The following UGT2A2 variants were observed in gnomAD, a reference collection of about 807,000 sequenced individuals.
The protein encoded by UGT2A2 is UDP-glucuronosyltransferase 2A2.
In UGT2A2, 60 loss-of-function variants were observed where a neutral mutation model predicts 50.7. That is an observed-to-expected ratio of 1.18 (90% confidence interval 0.96 to 1.47). UGT2A2 has a LOEUF of 1.47. Among genes scored for constraint, UGT2A2 ranks in the 40% most tolerant of loss-of-function variants. UGT2A2 has a pLI of 0.00. For synonymous variants in UGT2A2, 242 were observed against 214.6 expected, an observed-to-expected ratio of 1.13 and a Z score of -1.11; for missense variants, 762 against 634.0, an observed-to-expected ratio of 1.20 and a Z score of -2.17.
Position 69,589,338 on chromosome 4 carries a change from C to T in UGT2A2, c.*34G>A. On this transcript the variant is annotated 3_prime_UTR_variant, in exon 6 of 6. Transcript: ENST00000604629. ...CTACACTACTCAGGATTTTGCCAAA[C>T]TTAAAAATATATATATTTCCTCTTT... 6.4e-7 allele frequency: 1 copy of T among 1,554,864 alleles called. No individual in the cohort carries two copies. Among genetic ancestry groups the T allele is most frequent in the South Asian group, 1.2e-5 (1 of 82,122 alleles).
At chr4:69,627,463 AGCAG>A (rs1002480493) in intron 1 of UGT2A2, among the ~76,000 whole-genome samples, 20 of 63,820 alleles carry the variant, frequency 3.1e-4, no homozygotes, top group African/African-American at 6.8e-4. Flanking sequence ...CAGACAGGCA[AGCAG>A]GCAGGCAGGC....
intron 1 of UGT2A2, among the ~76,000 whole-genome samples, chr4:69,622,314 T>A (rs966277479): frequency 6.6e-6 from 1 of 151,888 alleles, no homozygotes; most frequent in South Asian, 2.1e-4. Context: ...GAAATTGGCA[T>A]ACAAAAAGTT....
intron 2 of UGT2A2, among the ~76,000 whole-genome samples, chr4:69,598,578 CTA>C (rs1336213024): frequency 1.3e-5 from 2 of 152,106 alleles, no homozygotes; most frequent in African/African-American, 4.8e-5. Context: ...GAATCTGAAT[CTA>C]TTTCTAATGC....
At chr4:69,625,511 C>T (rs1042759588) in intron 1 of UGT2A2, among the ~76,000 whole-genome samples, 1 of 150,836 alleles carries the variant, frequency 6.6e-6, no homozygotes, top group Non-Finnish European at 1.5e-5. Flanking sequence ...TCTTTAAATT[C>T]TTTTTTTCTA....
At chr4:69,606,229 T>C (rs943209494) in intron 1 of UGT2A2, among the ~76,000 whole-genome samples, 1 of 135,984 alleles carries the variant, frequency 7.4e-6, no homozygotes, top group East Asian at 2.1e-4. Context: ...CCCACCATGA[T>C]CAAGTGGGCT....
intron 2 of UGT2A2, 88 bp downstream of exon 2, chr4:69,599,157 AT>A: frequency 6.9e-7 from 1 of 1,456,948 alleles, no homozygotes; most frequent in Non-Finnish European, 9.0e-7. Flanking sequence ...GTCCAGCAGC[AT>A]TTATTTGTTA....
intron 1 of UGT2A2, among the ~76,000 whole-genome samples, chr4:69,615,273 C>G (rs1278168651): frequency 6.6e-6 from 1 of 151,944 alleles, no homozygotes; most frequent in East Asian, 1.9e-4. Flanking sequence ...GATTTAAAAC[C>G]CGAAACTTTG....
chr4:69,613,987 C>T (rs1295588447), intron 1 of UGT2A2, among the ~76,000 whole-genome samples: 4 of 151,844 alleles, frequency 2.6e-5, no homozygotes, highest in Non-Finnish European at 5.9e-5. Context: ...AGCAATTAGA[C>T]GAGTGAAAGA....
chr4:69,600,649 G>T (rs1835822), intron 1 of UGT2A2, among the ~76,000 whole-genome samples: 35,425 of 151,858 alleles, frequency 0.23, 4,335 homozygotes, highest in Middle Eastern at 0.31. Context: ...GGTTTAATTG[G>T]CTTATGGTCC....
Position 69,632,002 on chromosome 4 carries a change from TACC to T in UGT2A2, c.742+6894_742+6896del, listed in dbSNP as rs770095016. Among the ~76,000 whole-genome samples the T allele has an allele frequency of 2.0e-4, 31 of 152,292 alleles. No homozygotes were observed. The East Asian group carries it at 3.1e-3, about 15-fold the overall frequency. The stretch of plus-strand genomic sequence containing the variant: ...CCACAGTTTGTATAAATCCAATAAA[TACC>T]ACATTATAGTTATTAGTTTTTCTTT... On this transcript the variant is annotated intron_variant, in intron 1 of 5. Coordinates refer to ENST00000604629, the MANE Select transcript of UGT2A2 (RefSeq NM_001105677.2).
chr4:69,607,242 C>A (rs1342974409), intron 1 of UGT2A2, among the ~76,000 whole-genome samples: 2 of 149,282 alleles, frequency 1.3e-5, no homozygotes, highest in African/African-American at 5.0e-5. Context: ...TGGAACAGAA[C>A]AGAGCCCTCA....
Position 69,589,567 on chromosome 4 carries a change from C to T in UGT2A2, c.1416G>A (p.Glu472=), listed in dbSNP as rs771730135. ...TGGCTCCTTTGTGGCGCATGACAAA[C>T]TCGATCCAGAAGACTGCTCGATCCA... The part of the protein sequence containing the change: ...KPLDRAVFWI[E]FVMRHKGAKH... Residue 472 remains glutamate (E), a synonymous_variant, in exon 6 of 6, where the codon GAG becomes GAA. Coordinates refer to ENST00000604629, the MANE Select transcript of UGT2A2 (RefSeq NM_001105677.2). The T allele has an allele frequency of 5.6e-6, 9 of 1,614,044 alleles. No homozygotes were observed. The highest frequency in any genetic ancestry group is 7.6e-6 in the Non-Finnish European group (9 of 1,179,952).
Position 69,603,550 on chromosome 4 carries a change from G to C in UGT2A2, c.743-4156C>G, listed in dbSNP as rs1719421936. 2 of 136,936 alleles carry C rather than the reference G, an allele frequency of 1.5e-5. 1 individual carries two copies. Among genetic ancestry groups the C allele is most frequent in the Admixed American group, 1.4e-4 (2 of 13,920 alleles). 8.5% of individuals were successfully genotyped at this position (136,936 alleles called of 1,614,324 possible). A position where few individuals can be genotyped will look rare whatever the true frequency, so the allele number is the denominator to read the frequency against. ...GGAAAGCAGCTCCTCACACGCAACA[G>C]AACAAAACTGGACGGAGAATGACTT... On this transcript the variant is annotated intron_variant, in intron 1 of 5. Coordinates refer to ENST00000604629, the MANE Select transcript of UGT2A2 (RefSeq NM_001105677.2).
chr4:69,626,847 C>T (rs1401642379), intron 1 of UGT2A2, among the ~76,000 whole-genome samples: 1 of 151,608 alleles, frequency 6.6e-6, no homozygotes, highest in African/African-American at 2.4e-5. Context: ...CTCAAATTGT[C>T]CCAGATTTTG....
chr4:69,593,989 T>TTTTTTA (rs1718752466), intron 5 of UGT2A2, among the ~76,000 whole-genome samples: 1 of 150,096 alleles, frequency 6.7e-6, no homozygotes. Context: ...TTGTTTTTTT[T>TTTTTTA]TTTGAGACTG....
intron 1 of UGT2A2, among the ~76,000 whole-genome samples, chr4:69,630,016 T>C (rs1244636492): frequency 6.6e-6 from 1 of 152,108 alleles, no homozygotes; most frequent in African/African-American, 2.4e-5. Context: ...AAATACCACA[T>C]GAAAAATAAT....
chr4:69,625,822 A>G (rs1721022676), intron 1 of UGT2A2, among the ~76,000 whole-genome samples: 1 of 151,592 alleles, frequency 6.6e-6, no homozygotes, highest in Non-Finnish European at 1.5e-5. Context: ...ATTAAAATTA[A>G]TTAGTCTTGT....
At chr4:69,598,126 A>G (rs1343085925) in intron 2 of UGT2A2, among the ~76,000 whole-genome samples, 1 of 152,146 alleles carries the variant, frequency 6.6e-6, no homozygotes, top group South Asian at 2.1e-4. Flanking sequence ...ATTATTTCCT[A>G]TAATAAACAT....
intron 2 of UGT2A2, among the ~76,000 whole-genome samples, chr4:69,598,724 C>A (rs962407164): frequency 1.3e-5 from 2 of 151,622 alleles, no homozygotes; most frequent in African/African-American, 4.8e-5. Flanking sequence ...TTTTTTTAAC[C>A]AATTGTTTCC....
Sources: gnomAD v4.1 joint callset for allele counts (sites outside exome capture counted in the v4.1 genomes callset) on GRCh38, gnomAD v4.1.1 for gene constraint, MANE v1.5 for transcripts, NCBI Gene and HGNC (gene_info 2026-07-23, HGNC 2026-07-21) for gene names.